Variants in DOCK8 observed in about 807,000 individuals in gnomAD.
DOCK8 encodes the protein dedicator of cytokinesis protein 8.
DOCK8 carries 141 observed loss-of-function variants against 245.6 expected under a neutral mutation model. The ratio of observed to expected loss-of-function variants is 0.57; its 90% CI spans 0.50 to 0.66. The LOEUF (loss-of-function observed/expected upper bound fraction) is 0.66, where lower values mean the gene tolerates loss of function less well. Among genes scored for constraint, DOCK8 ranks in the 30% least tolerant of loss-of-function variants. DOCK8 has a pLI of 0.00. For synonymous variants in DOCK8, 1,168 were observed against 970.2 expected, an observed-to-expected ratio of 1.20 and a Z score of -3.79; for missense variants, 2,965 against 2,603.4, an observed-to-expected ratio of 1.14 and a Z score of -3.02.
At chr9:214,335 CATA>C (rs971259113), upstream of DOCK8, 2 of 640,608 alleles carry the variant, frequency 3.1e-6, no homozygotes, top group African/African-American at 1.9e-5. Flanking sequence ...TTTGAGAACT[CATA>C]ATGTTTATTC....
At chr9:309,357 C>T (rs1200479344) in intron 5 of DOCK8, among the ~76,000 whole-genome samples, 1 of 151,864 alleles carries the variant, frequency 6.6e-6, no homozygotes, top group Non-Finnish European at 1.5e-5. Context: ...TAGAGTAGTA[C>T]TTTTGTGAGG....
At chr9:263,212 G>GAA (rs34966635) in intron 1 of DOCK8, among the ~76,000 whole-genome samples, 80 of 145,078 alleles carry the variant, frequency 5.5e-4, no homozygotes, top group Admixed American at 7.5e-4. Flanking sequence ...ATCTCAAAAG[G>GAA]AAAAAAAAAA....
intron 3 of DOCK8, among the ~76,000 whole-genome samples, chr9:288,410 G>A (rs910106941): frequency 2.6e-5 from 4 of 152,312 alleles, no homozygotes; most frequent in Admixed American, 2.6e-4. Flanking sequence ...CTTGGAACAA[G>A]ATCCTTACCA....
intron 23 of DOCK8, among the ~76,000 whole-genome samples, chr9:387,081 C>T (rs1187527383): frequency 6.6e-6 from 1 of 152,156 alleles, no homozygotes; most frequent in Non-Finnish European, 1.5e-5. Flanking sequence ...TTCCTCTCTT[C>T]TAGGCACTCA....
intron 5 of DOCK8, among the ~76,000 whole-genome samples, chr9:309,498 A>G (rs558590650): frequency 6.6e-6 from 1 of 152,316 alleles, no homozygotes; most frequent in South Asian, 2.1e-4. Context: ...GTCCTACAAC[A>G]TATAGTTGAT....
intron 26 of DOCK8, among the ~76,000 whole-genome samples, chr9:403,223 C>T (rs2055197455): frequency 6.6e-6 from 1 of 152,168 alleles, no homozygotes; most frequent in South Asian, 2.1e-4. Flanking sequence ...CTCAAGGGAC[C>T]TATGAAAGAT....
intron 6 of DOCK8, among the ~76,000 whole-genome samples, chr9:314,043 C>T (rs2050241253): frequency 6.6e-6 from 1 of 152,172 alleles, no homozygotes; most frequent in Non-Finnish European, 1.5e-5. Context: ...CAAGATTCAA[C>T]AGATAAATTA....
chr9:306,950 C>T (rs528274436), intron 5 of DOCK8, among the ~76,000 whole-genome samples: 4 of 152,250 alleles, frequency 2.6e-5, no homozygotes, highest in East Asian at 1.9e-4. Flanking sequence ...CCTGGACTCA[C>T]GCCTCACAGG....
chr9:254,619 C>A (rs886517423), intron 1 of DOCK8, among the ~76,000 whole-genome samples: 1 of 152,182 alleles, frequency 6.6e-6, no homozygotes. Flanking sequence ...CCTTGACCTT[C>A]CTGCATTATG....
Position 291,163 on chromosome 9 carries a change from TAGAA to T in DOCK8, c.404+1586_404+1589del, listed in dbSNP as rs918707595. On this transcript the variant is annotated intron_variant, in intron 4 of 47. Transcript: ENST00000432829. ...TAAAAAAAATCTGAGAAGGAACAAA[TAGAA>T]AGATCCATTTTGATACATTTGGTTT... Among the ~76,000 whole-genome samples the T allele has an allele frequency of 1.2e-4, 19 of 152,338 alleles. No individual in the cohort carries two copies. In the Middle Eastern group the frequency reaches 0.01, roughly 82 times the overall value.
chr9:350,296 G>A (rs1423136240), intron 14 of DOCK8, among the ~76,000 whole-genome samples: 6 of 152,120 alleles, frequency 3.9e-5, no homozygotes, highest in African/African-American at 7.2e-5. Flanking sequence ...ATCTTTTCTA[G>A]AGACAAGGTC....
intron 26 of DOCK8, among the ~76,000 whole-genome samples, chr9:400,956 C>CCACCACCTCCTCCACCAT (rs1564016791): frequency 9.2e-6 from 1 of 108,680 alleles, no homozygotes; most frequent in East Asian, 2.7e-4. Flanking sequence ...ATCACCACCA[C>CCACCACCTCCTCCACCAT]CACCACCACC....
chr9:360,768 C>A (rs1050594157), intron 14 of DOCK8, among the ~76,000 whole-genome samples: 2 of 152,144 alleles, frequency 1.3e-5, no homozygotes, highest in Admixed American at 1.3e-4. Flanking sequence ...CAAACCTCAG[C>A]CTCAGCTCAG....
At chr9:425,364 C>G (rs10974357) in intron 33 of DOCK8, among the ~76,000 whole-genome samples, 11,265 of 152,006 alleles carry the variant, frequency 0.074, 480 homozygotes, top group African/African-American at 0.099. Context: ...AACCCCGTCT[C>G]TACTAAAAAT....
At position 439,323 on chromosome 9, in the gene DOCK8, G is replaced by T. The variant is rs1034358118; in HGVS notation, c.5158G>T (p.Gly1720Cys). The T allele has an allele frequency of 1.2e-6, 2 of 1,614,088 alleles. No individual in the cohort carries two copies. The highest frequency in any genetic ancestry group is 1.6e-4 in the Middle Eastern group (1 of 6,084). The change falls in exon 40 of 48, where the codon GGC becomes TGC. Residue 1720 changes from glycine to cysteine, a missense_variant. Gly to Cys is a radical substitution (Grantham distance 159). Coordinates refer to ENST00000432829, the MANE Select transcript of DOCK8 (RefSeq NM_203447.4). Reference sequence around the variant, plus strand: ...ACCTGACGAGGATGGGGTGTGCGCAGGCCAGTACTTCACCGAGAGTGGCCT... The same window carrying T: ...ACCTGACGAGGATGGGGTGTGCGCATGCCAGTACTTCACCGAGAGTGGCCT... ...LSPDEDGVCA[G>C]QYFTESGLVG...
intron 17 of DOCK8, 99 bp from the exon 18 acceptor site, chr9:372,086 C>T (rs1464958162): frequency 2.9e-6 from 3 of 1,041,786 alleles, no homozygotes; most frequent in Middle Eastern, 2.1e-4. Context: ...TCAATATCTA[C>T]TCACTGTTTA....
chr9:448,836 T>C (rs576310935), intron 44 of DOCK8, among the ~76,000 whole-genome samples: 6 of 152,198 alleles, frequency 3.9e-5, no homozygotes, highest in Admixed American at 3.9e-4. Context: ...CTTCGACATA[T>C]ACATTTTGGG....
intron 14 of DOCK8, among the ~76,000 whole-genome samples, chr9:360,472 ACT>A (rs1399803684): frequency 1.3e-5 from 2 of 152,192 alleles, no homozygotes; most frequent in Non-Finnish European, 2.9e-5. Flanking sequence ...AGATGTACCT[ACT>A]GTATTATGTA....
intron 28 of DOCK8, among the ~76,000 whole-genome samples, chr9:410,266 C>A (rs950960387): frequency 6.6e-6 from 1 of 152,112 alleles, no homozygotes; most frequent in Non-Finnish European, 1.5e-5. Flanking sequence ...GTTACAGGCC[C>A]CCCTCAAGTA....
Sources: gnomAD v4.1 joint callset for allele counts (sites outside exome capture counted in the v4.1 genomes callset) on GRCh38, gnomAD v4.1.1 for gene constraint, MANE v1.5 for transcripts, NCBI Gene and HGNC (gene_info 2026-07-23, HGNC 2026-07-21) for gene names.